SH3KBP1: variants seen among roughly 807,000 people sequenced by gnomAD.
The protein encoded by SH3KBP1 is SH3 domain-containing kinase-binding protein 1.
In SH3KBP1, 8 loss-of-function variants were observed where a neutral mutation model predicts 50.1. The observed-to-expected ratio is 0.16, with a 90% CI of 0.09 to 0.29. SH3KBP1 has a LOEUF of 0.29. Among genes scored for constraint, SH3KBP1 ranks in the 10% least tolerant of loss-of-function variants. SH3KBP1 has a pLI of 1.00. For missense variants in SH3KBP1, 377 were observed against 535.2 expected (o/e 0.70, Z 2.92); for synonymous variants, 227 against 218.6 (o/e 1.04, Z -0.34).
intron 1 of SH3KBP1, among the ~76,000 whole-genome samples, chrX:19,843,966 A>G (rs1207175143): frequency 1.8e-5 from 2 of 111,079 alleles, no homozygotes; most frequent in Non-Finnish European, 3.8e-5. Flanking sequence ...TCTAAGCATG[A>G]GGTGTAGGAG....
chrX:19,854,740 C>T (rs923551848), intron 1 of SH3KBP1, among the ~76,000 whole-genome samples: 3 of 110,686 alleles, frequency 2.7e-5, no homozygotes, highest in African/African-American at 9.9e-5. Flanking sequence ...CACGATCTTC[C>T]CCCAAGAGCC....
rs138144217 is a variant in SH3KBP1, at chrX:19,612,117, T to C, written c.898-4072A>G. On this transcript the variant is annotated intron_variant, in intron 8 of 17. Transcript: ENST00000397821. The stretch of plus-strand genomic sequence containing the variant: ...GCAATACAAGCTAATTTAAGGGAAA[T>C]AGGAATAATTTTAACAGCAAAATGA... Among the ~76,000 whole-genome samples, 19 of 110,793 alleles carry C rather than the reference T, an allele frequency of 1.7e-4. No individual in the cohort carries two copies. The East Asian group carries it at 5.1e-3, about 30-fold the overall frequency.
chrX:19,872,831 T>A (rs1424436543), intron 1 of SH3KBP1, among the ~76,000 whole-genome samples: 1 of 101,791 alleles, frequency 9.8e-6, no homozygotes, highest in Non-Finnish European at 1.9e-5. Flanking sequence ...TCTCTCTCTC[T>A]CTCACACACA....
chrX:19,757,880 C>T (rs1200908522), intron 2 of SH3KBP1, among the ~76,000 whole-genome samples: 1 of 111,584 alleles, frequency 9.0e-6, no homozygotes, highest in African/African-American at 3.3e-5. Context: ...TTTTAAAGAT[C>T]CAACAGTGTA....
intron 2 of SH3KBP1, among the ~76,000 whole-genome samples, chrX:19,772,289 G>T (rs2065810661): frequency 9.0e-6 from 1 of 111,201 alleles, no homozygotes; most frequent in Non-Finnish European, 1.9e-5. Flanking sequence ...CGCTGTTAGG[G>T]GAAATCCACT....
At chrX:19,551,037 T>C (rs1172796663) in intron 13 of SH3KBP1, among the ~76,000 whole-genome samples, 2 of 111,884 alleles carry the variant, frequency 1.8e-5, no homozygotes, top group Admixed American at 1.9e-4. Context: ...AGAATTCTTT[T>C]GCTGATGGTT....
At chrX:19,723,896 A>T (rs1371486297) in intron 3 of SH3KBP1, among the ~76,000 whole-genome samples, 2 of 111,268 alleles carry the variant, frequency 1.8e-5, no homozygotes, top group Non-Finnish European at 3.8e-5. Context: ...AATAAGCATC[A>T]TCCAGAAAAG....
At chrX:19,638,808 T>A (rs1247364982) in intron 7 of SH3KBP1, among the ~76,000 whole-genome samples, 2 of 111,689 alleles carry the variant, frequency 1.8e-5, no homozygotes, top group Admixed American at 1.9e-4. Context: ...GTGAAATACA[T>A]ACTAGGCTTG....
At chrX:19,673,602 C>T (rs1459882973) in intron 6 of SH3KBP1, among the ~76,000 whole-genome samples, 1 of 111,412 alleles carries the variant, frequency 9.0e-6, no homozygotes, top group Admixed American at 9.5e-5. Context: ...AATTAGTCAT[C>T]GACCATGGAG....
intron 2 of SH3KBP1, among the ~76,000 whole-genome samples, chrX:19,747,883 C>T (rs967150942): frequency 8.9e-6 from 1 of 112,540 alleles, no homozygotes; most frequent in African/African-American, 3.2e-5. Context: ...AATATATGTA[C>T]ACGGACACCT....
intron 3 of SH3KBP1, among the ~76,000 whole-genome samples, chrX:19,722,569 G>GGTGTGTGTGTGTGT (rs55675573): frequency 1.4e-4 from 12 of 84,259 alleles, no homozygotes; most frequent in African/African-American, 4.6e-4. Flanking sequence ...CGTGCGCACT[G>GGTGTGTGTGTGTGT]GTGTGTGTGT....
chrX:19,819,762 G>A (rs184372742), intron 2 of SH3KBP1, among the ~76,000 whole-genome samples: 40 of 110,565 alleles, frequency 3.6e-4, no homozygotes, highest in African/African-American at 1.3e-3. Flanking sequence ...GGTTGTTTTC[G>A]GTTTATTTCA....
chrX:19,553,447 G>A (rs2065299909), intron 13 of SH3KBP1, among the ~76,000 whole-genome samples: 1 of 111,386 alleles, frequency 9.0e-6, no homozygotes, highest in African/African-American at 3.3e-5. Context: ...AGCCCCAGGA[G>A]GGCAGGAACT....
rs538528720 is a variant in SH3KBP1 at position 19,702,080 on chromosome X, A to C, written c.390+4801T>G. On this transcript the variant is annotated intron_variant, in intron 4 of 17. Transcript: ENST00000397821. ...TGGAGAAATAATTGTAGAACAGCCC[A>C]AGCTCTTTGGATTATCAAATTCCAA... 4.4e-5 allele frequency among the ~76,000 whole-genome samples: 5 copies of C among 112,434 alleles called. No homozygotes were observed. In the East Asian group the frequency reaches 1.1e-3, roughly 25 times the overall value.
At chrX:19,776,489 A>AT (rs1217688655) in intron 2 of SH3KBP1, among the ~76,000 whole-genome samples, 7 of 101,722 alleles carry the variant, frequency 6.9e-5, no homozygotes, top group Admixed American at 1.1e-4. Flanking sequence ...AAATAAAAGA[A>AT]TTTTTTTTAA....
At chrX:19,567,844 G>A (rs2065898226) in intron 13 of SH3KBP1, among the ~76,000 whole-genome samples, 1 of 109,802 alleles carries the variant, frequency 9.1e-6, no homozygotes, top group Non-Finnish European at 1.9e-5. Context: ...GAATACGAGA[G>A]AATGCTAACT....
In SH3KBP1 at chrX:19,690,060, CT is replaced by C. The variant is rs1288057221; in HGVS notation, c.520+5551del. Among the ~76,000 whole-genome samples, 488 of 64,375 alleles carry C rather than the reference CT, an allele frequency of 7.6e-3. 2 individuals are homozygous for C. The highest frequency in any genetic ancestry group is 0.046 in the African/African-American group (318 of 6,975). The allele number at this position is 64,375 out of a possible 115,157, so 55.9% of individuals were successfully genotyped here. ...TCTTTCTCTCTCTCTCTCTCTCTCTCTTTTTTTTTTTTTTTTTGAGACAGGG... is the reference window on the plus strand; with the variant it reads ...TCTTTCTCTCTCTCTCTCTCTCTCTCTTTTTTTTTTTTTTTTGAGACAGGG... On this transcript the variant is annotated intron_variant, in intron 5 of 17. Transcript: ENST00000397821.
In SH3KBP1 at chrX:19,637,301, G is replaced by C. The variant is rs752420935; in HGVS notation, c.803-5343C>G. On this transcript the variant is annotated intron_variant, in intron 7 of 17. Coordinates refer to ENST00000397821, the MANE Select transcript of SH3KBP1 (RefSeq NM_031892.3). ...GAGTAATAAAACATTTTAGTTTTCA[G>C]AGCTTTTTGTATTTTAGAATGGCAC... 7.1e-5 allele frequency among the ~76,000 whole-genome samples: 8 copies of C among 112,188 alleles called. No homozygotes were observed. The South Asian group carries it at 1.5e-3, about 21-fold the overall frequency.
intron 6 of SH3KBP1, among the ~76,000 whole-genome samples, chrX:19,666,180 G>A (rs761489397): frequency 1.8e-5 from 2 of 109,546 alleles, no homozygotes; most frequent in African/African-American, 6.6e-5. Flanking sequence ...AGAGTAGAAG[G>A]TGAAGAGGAA....
Sources: gnomAD v4.1 joint callset for allele counts (sites outside exome capture counted in the v4.1 genomes callset) on GRCh38, gnomAD v4.1.1 for gene constraint, MANE v1.5 for transcripts, NCBI Gene and HGNC (gene_info 2026-07-23, HGNC 2026-07-21) for gene names.